Variants in LINC01488 observed in about 807,000 individuals in gnomAD.
The protein encoded by LINC01488 is long independently transcribed non-coding RNA 1488.
At chr11:69,487,401 G>A (rs1857142202) in intron 1 of LINC01488, among the ~76,000 whole-genome samples, 1 of 152,204 alleles carries the variant, frequency 6.6e-6, no homozygotes, top group Admixed American at 6.5e-5. Flanking sequence ...CTGCCATGAC[G>A]CTCACCCTCT....
chr11:69,489,743 T>C (rs965921824), intron 1 of LINC01488, among the ~76,000 whole-genome samples: 2 of 152,228 alleles, frequency 1.3e-5, no homozygotes, highest in Non-Finnish European at 2.9e-5. Context: ...GCATCAGGCT[T>C]CTGTGACCAC....
intron 1 of LINC01488, chr11:69,485,972 C>T (rs1857109192): frequency 1.3e-5 from 2 of 152,256 alleles, no homozygotes; most frequent in Admixed American, 1.3e-4. Flanking sequence ...CCTAGGCACT[C>T]TTGTGTCAGG....
At chr11:69,483,602 G>A (rs1054947517) in intron 1 of LINC01488, among the ~76,000 whole-genome samples, 2 of 152,202 alleles carry the variant, frequency 1.3e-5, no homozygotes, top group African/African-American at 4.8e-5. Context: ...TCAGAGGGCT[G>A]TGGGCTCAGA....
intron 1 of LINC01488, among the ~76,000 whole-genome samples, chr11:69,487,495 G>A (rs896079379): frequency 3.3e-5 from 5 of 152,234 alleles, no homozygotes; most frequent in Admixed American, 2.6e-4. Flanking sequence ...GACTGACGGG[G>A]AGCTAGGTTT....
At chr11:69,490,110 C>T (rs1857195231) in intron 1 of LINC01488, among the ~76,000 whole-genome samples, 1 of 152,194 alleles carries the variant, frequency 6.6e-6, no homozygotes. Flanking sequence ...AGGAGAAGTG[C>T]CCCAGCCCCT....
intron 1 of LINC01488, among the ~76,000 whole-genome samples, chr11:69,482,327 C>G (rs1327992849): frequency 6.6e-6 from 1 of 152,032 alleles, no homozygotes; most frequent in South Asian, 2.1e-4. Context: ...TCTGGCCCTG[C>G]CCTGGACACA....
At chr11:69,486,573 G>A (rs1322139988) in intron 1 of LINC01488, among the ~76,000 whole-genome samples, 1 of 152,230 alleles carries the variant, frequency 6.6e-6, no homozygotes, top group Non-Finnish European at 1.5e-5. Context: ...CAGGGAAGCT[G>A]GAGGAGCAGT....
chr11:69,489,572 A>ATTCTTGTTAAGTATTCTATT (rs1857183810), intron 1 of LINC01488, among the ~76,000 whole-genome samples: 2 of 152,228 alleles, frequency 1.3e-5, no homozygotes, highest in Admixed American at 1.3e-4. Context: ...TGTTAAGAAT[A>ATTCTTGTTAAGTATTCTATT]GCCTGGGGCA....
At chr11:69,483,103 T>A (rs1442270386) in intron 1 of LINC01488, among the ~76,000 whole-genome samples, 1 of 152,222 alleles carries the variant, frequency 6.6e-6, no homozygotes, top group African/African-American at 2.4e-5. Flanking sequence ...CTGAGGTCCG[T>A]GGAAGGAGAG....
intron 1 of LINC01488, among the ~76,000 whole-genome samples, chr11:69,489,591 G>A (rs899889548): frequency 2.0e-5 from 3 of 152,262 alleles, no homozygotes; most frequent in Admixed American, 2.0e-4. Flanking sequence ...CAGTGGGAAC[G>A]TGCTCCTGCT....
At chr11:69,491,737 C>G (rs12225537) in intron 3 of LINC01488, 1 of 152,480 alleles carries the variant, frequency 6.6e-6, no homozygotes, top group Non-Finnish European at 1.5e-5. Flanking sequence ...AGGCCCTGCT[C>G]TATCAGCAAA....
intron 1 of LINC01488, among the ~76,000 whole-genome samples, chr11:69,489,919 C>T (rs904189712): frequency 7.9e-5 from 12 of 152,200 alleles, no homozygotes; most frequent in African/African-American, 2.7e-4. Flanking sequence ...TGAGTGGTTC[C>T]AGCCCCAGGG....
At chr11:69,492,145 C>T (rs900394434) in exon 4 of LINC01488, 2 of 152,204 alleles carry the variant, frequency 1.3e-5, no homozygotes, top group African/African-American at 2.4e-5. Flanking sequence ...AGAGAGACCA[C>T]GATGGAAGCC....
intron 1 of LINC01488, among the ~76,000 whole-genome samples, chr11:69,482,215 G>A (rs970920416): frequency 6.6e-6 from 1 of 152,228 alleles, no homozygotes. Flanking sequence ...GAGAGCATGT[G>A]CAGGGGAACT....
chr11:69,489,610 G>T (rs1301098829), intron 1 of LINC01488, among the ~76,000 whole-genome samples: 3 of 152,258 alleles, frequency 2.0e-5, no homozygotes, highest in Admixed American at 2.0e-4. Flanking sequence ...CTGCAGGCGG[G>T]CTGCGGACTC....
At chr11:69,490,874 CAG>C (rs1326673496) in intron 2 of LINC01488, 1 of 152,300 alleles carries the variant, frequency 6.6e-6, no homozygotes, top group African/African-American at 2.4e-5. Context: ...TCCTCAGGCT[CAG>C]AGCAAGGGCC....
chr11:69,483,822 C>T (rs546456036), intron 1 of LINC01488, among the ~76,000 whole-genome samples: 38 of 151,790 alleles, frequency 2.5e-4, no homozygotes, highest in Non-Finnish European at 3.8e-4. Context: ...AGGCCCGGGC[C>T]GGCCCGGCTG....
intron 1 of LINC01488, among the ~76,000 whole-genome samples, chr11:69,487,404 C>A (rs558542801): frequency 6.6e-6 from 1 of 152,334 alleles, no homozygotes; most frequent in East Asian, 1.9e-4. Context: ...CCATGACGCT[C>A]ACCCTCTCTG....
chr11:69,483,047 G>A (rs575006265), intron 1 of LINC01488, among the ~76,000 whole-genome samples: 129 of 152,290 alleles, frequency 8.5e-4, no homozygotes, highest in African/African-American at 3.0e-3. Flanking sequence ...ACGAATTGTG[G>A]GGGGATGTGA....
Sources: gnomAD v4.1 joint callset for allele counts (sites outside exome capture counted in the v4.1 genomes callset) on GRCh38, gnomAD v4.1.1 for gene constraint, MANE v1.5 for transcripts, NCBI Gene and HGNC (gene_info 2026-07-23, HGNC 2026-07-21) for gene names.